Variants in KCNK3 observed in about 807,000 individuals in gnomAD.
KCNK3 encodes potassium channel subfamily K member 3.
A neutral mutation model predicts 27.3 loss-of-function variants in KCNK3; 9 were observed. The ratio of observed to expected loss-of-function variants is 0.33; its 90% CI spans 0.20 to 0.57. KCNK3 has a LOEUF of 0.57. KCNK3 is among the 20% of genes least tolerant of loss of function. KCNK3 has a pLI of 0.87. For synonymous variants in KCNK3, 278 were observed against 273.8 expected (o/e 1.02, Z -0.15); for missense variants, 391 against 577.7 (o/e 0.68, Z 3.31).
At chr2:26,720,321 C>T (rs924703089) in intron 1 of KCNK3, among the ~76,000 whole-genome samples, 13 of 152,158 alleles carry the variant, frequency 8.5e-5, no homozygotes, top group Admixed American at 5.9e-4. Flanking sequence ...CAGGACTGAT[C>T]GCTCCTAAGG....
At chr2:26,719,020 C>G (rs966429720) in intron 1 of KCNK3, among the ~76,000 whole-genome samples, 6 of 152,198 alleles carry the variant, frequency 3.9e-5, no homozygotes, top group African/African-American at 1.2e-4. Flanking sequence ...AGAGACTGTT[C>G]AAGAACTGCA....
chr2:26,694,599 T>C (rs1411378899), intron 1 of KCNK3, among the ~76,000 whole-genome samples: 1 of 152,100 alleles, frequency 6.6e-6, no homozygotes, highest in African/African-American at 2.4e-5. Flanking sequence ...GGAGTGGATG[T>C]GGCCCAGCTG....
chr2:26,693,288 A>T lies in KCNK3; in HGVS notation c.283+130A>T. ...GCTGGGCGCCGAACCCTGCGCTCGC[A>T]GAAACCCGAGTTCAGCCTGGCGTGT... is the stretch of plus-strand genomic sequence containing the variant. On this transcript the variant is annotated intron_variant, in intron 1 of 1. Transcript: ENST00000302909. The surrounding 1 kb of genome is among the most constrained non-coding windows in gnomAD (Gnocchi z 5.5). 1.1e-6 allele frequency: 1 copy of T among 907,904 alleles called. No homozygotes were observed. The highest frequency in any genetic ancestry group is 2.1e-5 in the South Asian group (1 of 48,436). The allele number at this position is 907,904 out of a possible 1,614,324, so 56.2% of individuals were successfully genotyped here.
intron 1 of KCNK3, among the ~76,000 whole-genome samples, chr2:26,726,136 G>C (rs1663415744): frequency 6.6e-6 from 1 of 150,914 alleles, no homozygotes; most frequent in Non-Finnish European, 1.5e-5. Flanking sequence ...GAGAGAGAGA[G>C]AGAGAGACAG....
intron 1 of KCNK3, 140 bp from the exon 2 acceptor site, chr2:26,727,526 TG>T: frequency 9.3e-7 from 1 of 1,077,268 alleles, no homozygotes; most frequent in Non-Finnish European, 1.3e-6. Context: ...GCACAGTGCG[TG>T]GGGATAAGGA....
chr2:26,700,084 G>A (rs780842748), intron 1 of KCNK3, among the ~76,000 whole-genome samples: 1 of 152,194 alleles, frequency 6.6e-6, no homozygotes, highest in Non-Finnish European at 1.5e-5. Context: ...TATGGATAGA[G>A]CATTTAGCCC....
chr2:26,704,265 G>C (rs781128598), intron 1 of KCNK3, among the ~76,000 whole-genome samples: 1 of 152,042 alleles, frequency 6.6e-6, no homozygotes, highest in African/African-American at 2.4e-5. Flanking sequence ...CAGGAGCACC[G>C]GGACGGTGCT....
rs561421495 is a variant in KCNK3, at chr2:26,721,705, C to T, written c.284-5962C>T. 7.9e-5 allele frequency among the ~76,000 whole-genome samples: 12 copies of T among 152,342 alleles called. No homozygotes were observed. Among genetic ancestry groups the T allele is most frequent in the Non-Finnish European group, 1.5e-4 (10 of 68,030 alleles). Reference sequence around the variant, plus strand: ...GAGCTGCCTCTGTCTCCCCCAAGCCCGCACTCCTCTCTGGCTGCCACACCA... The same window carrying T: ...GAGCTGCCTCTGTCTCCCCCAAGCCTGCACTCCTCTCTGGCTGCCACACCA... On this transcript the variant is annotated intron_variant, in intron 1 of 1. Transcript: ENST00000302909. This position sits in a 1 kb window ranked among gnomAD's most constrained non-coding sequence, Gnocchi z 4.3.
intron 1 of KCNK3, among the ~76,000 whole-genome samples, chr2:26,694,514 C>A (rs1377531308): frequency 1.3e-5 from 2 of 152,174 alleles, no homozygotes; most frequent in Non-Finnish European, 2.9e-5. Context: ...GAATCTACGG[C>A]TCCCTGGGGA....
rs138626558 is a variant in KCNK3, at chr2:26,720,241, C to T, written c.284-7426C>T. On this transcript the variant is annotated intron_variant, in intron 1 of 1. Transcript: ENST00000302909. Reference sequence around the variant, plus strand: ...CTGCACTCTAGCCTGGGCAACACAGCGAGATTCCGTCTCAAAGAAACAAAA... The same window carrying T: ...CTGCACTCTAGCCTGGGCAACACAGTGAGATTCCGTCTCAAAGAAACAAAA... 3.9e-5 allele frequency among the ~76,000 whole-genome samples: 6 copies of T among 152,282 alleles called. No homozygotes were observed. In the East Asian group the frequency reaches 7.7e-4, roughly 20 times the overall value.
chr2:26,701,935 G>A (rs1670312797), intron 1 of KCNK3, among the ~76,000 whole-genome samples: 4 of 152,158 alleles, frequency 2.6e-5, no homozygotes, highest in Admixed American at 2.6e-4. Flanking sequence ...GACAGACCCT[G>A]TCTCAATCAA....
chr2:26,702,308 A>C (rs1477642308), intron 1 of KCNK3, among the ~76,000 whole-genome samples: 1 of 152,148 alleles, frequency 6.6e-6, no homozygotes, highest in Non-Finnish European at 1.5e-5. Context: ...GTAGCACAAG[A>C]CCTGTTTTCT....
chr2:26,703,402 A>C (rs1262005068), intron 1 of KCNK3, among the ~76,000 whole-genome samples: 1 of 152,196 alleles, frequency 6.6e-6, no homozygotes, highest in Admixed American at 6.5e-5. Flanking sequence ...AGGCCATCAC[A>C]CCACCCATAT....
At position 26,729,743 on chromosome 2, in the gene KCNK3, G is replaced by A. The variant is rs1663502155; in HGVS notation, c.*1175G>A. On this transcript the variant is annotated 3_prime_UTR_variant, in exon 2 of 2. Transcript: ENST00000302909. ...CCCAGCGACTTGGGAGGCTGAGGTG[G>A]GAGGATTGTTTGAGCCTGGGAGGTC... 6.6e-6 allele frequency: 1 copy of A among 151,766 alleles called. No individual in the cohort carries two copies. Among genetic ancestry groups the A allele is most frequent in the Admixed American group, 6.6e-5 (1 of 15,174 alleles). The allele number at this position is 151,766 out of a possible 1,614,324, so 9.4% of individuals were successfully genotyped here.
intron 1 of KCNK3, among the ~76,000 whole-genome samples, chr2:26,705,928 G>A (rs574979358): frequency 5.3e-5 from 8 of 152,270 alleles, no homozygotes; most frequent in Admixed American, 2.0e-4. Flanking sequence ...GGTTACCCCC[G>A]TAGCAGCAGT....
intron 1 of KCNK3, among the ~76,000 whole-genome samples, chr2:26,699,694 C>A (rs142830810): frequency 1.3e-5 from 2 of 152,328 alleles, no homozygotes; most frequent in Non-Finnish European, 2.9e-5. Context: ...ACACTCCCTC[C>A]TCCACTCCCT....
chr2:26,714,591 G>C (rs1005240989), intron 1 of KCNK3, among the ~76,000 whole-genome samples: 1 of 109,344 alleles, frequency 9.1e-6, no homozygotes, highest in African/African-American at 3.5e-5. Flanking sequence ...ACAACCTTAA[G>C]AGGAGGGATG....
chr2:26,719,377 C>T (rs13406717), intron 1 of KCNK3, among the ~76,000 whole-genome samples: 42 of 152,252 alleles, frequency 2.8e-4, no homozygotes, highest in African/African-American at 1.0e-3. Flanking sequence ...CATGTGTCAT[C>T]CTAACATTGT....
At chr2:26,701,352 G>C (rs1026697825) in intron 1 of KCNK3, among the ~76,000 whole-genome samples, 1 of 152,170 alleles carries the variant, frequency 6.6e-6, no homozygotes, top group Non-Finnish European at 1.5e-5. Context: ...GCTGTAGCTG[G>C]CACCGTGAGG....
Sources: gnomAD v4.1 joint callset for allele counts (sites outside exome capture counted in the v4.1 genomes callset) on GRCh38, gnomAD v4.1.1 for gene constraint, Gnocchi (gnomAD v3.1) non-coding constraint, MANE v1.5 for transcripts, NCBI Gene and HGNC (gene_info 2026-07-23, HGNC 2026-07-21) for gene names.